The following RFWD3 variants were observed in gnomAD, a reference collection of about 807,000 sequenced individuals.
RFWD3 encodes the protein ring finger and WD repeat domain 3.
A neutral mutation model predicts 87.7 loss-of-function variants in RFWD3; 65 were observed. That is an observed-to-expected ratio of 0.74 (90% confidence interval 0.61 to 0.91). The LOEUF (loss-of-function observed/expected upper bound fraction) is 0.91. RFWD3 is among the 40% of genes least tolerant of loss of function. RFWD3 has a pLI of 0.00. For missense variants in RFWD3, 1,078 were observed against 938.5 expected, an observed-to-expected ratio of 1.15 and a Z score of -1.94; for synonymous variants, 433 against 352.8, an observed-to-expected ratio of 1.23 and a Z score of -2.55.
chr16:74,632,810 C>A (rs1959142055), intron 8 of RFWD3, 137 bp from the exon 9 acceptor site: 2 of 709,800 alleles, frequency 2.8e-6, no homozygotes, highest in Admixed American at 2.8e-5. Flanking sequence ...AACAAAAATT[C>A]TCTAGTGTTA....
chr16:74,649,272 T>C, intron 3 of RFWD3, 70 bp from the exon 4 acceptor site: 2 of 1,155,518 alleles, frequency 1.7e-6, no homozygotes, highest in Non-Finnish European at 2.5e-6. Context: ...TATGAGAAGC[T>C]AGCAGGAGAG....
chr16:74,626,801 G>A (rs568071116), intron 11 of RFWD3, among the ~76,000 whole-genome samples: 2 of 125,348 alleles, frequency 1.6e-5, no homozygotes, highest in South Asian at 3.1e-4. Flanking sequence ...ATAGCTTTTT[G>A]CTTAAGAGAA....
Position 74,644,727 on chromosome 16 carries a change from G to C in RFWD3, c.801C>G (p.Pro267=), listed in dbSNP as rs774837280. 7.4e-6 allele frequency: 12 copies of C among 1,610,904 alleles called. No individual in the cohort carries two copies. Among genetic ancestry groups the C allele is most frequent in the Non-Finnish European group, 1.0e-5 (12 of 1,177,544 alleles). ...AAGGTAGCAGAGGCTCAGACTTCTG[G>C]GGAGATGGCTAGATGGAAAGCAGAA... ...GGKTLPKQPS[P]QKSEPLLPSA... Residue 267 remains proline (P), a synonymous_variant, in exon 5 of 13, where the codon CCC becomes CCG. Transcript: ENST00000361070.
At chr16:74,632,235 A>T (rs1959121546) in intron 9 of RFWD3, among the ~76,000 whole-genome samples, 1 of 151,956 alleles carries the variant, frequency 6.6e-6, no homozygotes. Flanking sequence ...CTACAAAAAT[A>T]GAAAATATTA....
At chr16:74,653,848 T>C (rs1960759038) in intron 2 of RFWD3, among the ~76,000 whole-genome samples, 1 of 152,190 alleles carries the variant, frequency 6.6e-6, no homozygotes, top group Non-Finnish European at 1.5e-5. Flanking sequence ...AAATGCTAAC[T>C]AGAACAAAAT....
In RFWD3 at chr16:74,623,786, C is replaced by T; in HGVS notation, c.*142G>A. ...CTGTAGTGTCTCAGTGACCTAGGGTCCTAGAATCATACTAATGCAAACAAA... is the reference window on the plus strand; with the variant it reads ...CTGTAGTGTCTCAGTGACCTAGGGTTCTAGAATCATACTAATGCAAACAAA... On this transcript the variant is annotated 3_prime_UTR_variant, in exon 13 of 13. Coordinates refer to ENST00000361070, the MANE Select transcript of RFWD3 (RefSeq NM_018124.4). 2 of 833,460 alleles carry T rather than the reference C, an allele frequency of 2.4e-6. No individual in the cohort carries two copies. The highest frequency in any genetic ancestry group is 1.9e-6 in the Non-Finnish European group (1 of 529,004). The allele number at this position is 833,460 out of a possible 1,614,324, so 51.6% of individuals were successfully genotyped here. A position where few individuals can be genotyped will look rare whatever the true frequency, so the allele number is the denominator to read the frequency against.
intron 4 of RFWD3, 29 bp from the exon 5 acceptor site, chr16:74,644,764 T>A: frequency 6.4e-7 from 1 of 1,567,060 alleles, no homozygotes; most frequent in Non-Finnish European, 8.7e-7. Flanking sequence ...ATATTCAAAT[T>A]AGAGAAAATG....
In RFWD3 at chr16:74,643,672, T is replaced by C. The variant is rs943993218; in HGVS notation, c.1079+690A>G. 8.2e-5 allele frequency among the ~76,000 whole-genome samples: 9 copies of C among 110,288 alleles called. 1 individual carries two copies. Among genetic ancestry groups the C allele is most frequent in the Admixed American group, 1.2e-4 (1 of 8,494 alleles). The allele number at this position is 110,288 out of a possible 152,430, so 72.4% of individuals were successfully genotyped here. A position where few individuals can be genotyped will look rare whatever the true frequency, so the allele number is the denominator to read the frequency against. ...CTGAGTGGTGTTACTAGCAACTGTT[T>C]TTTTTTTTTTTTTTTTTTTTTGAGA... On this transcript the variant is annotated intron_variant, in intron 6 of 12. Coordinates refer to ENST00000361070, the MANE Select transcript of RFWD3 (RefSeq NM_018124.4).
At chr16:74,660,766 A>C in intron 2 of RFWD3, 166 bp downstream of exon 2, 1 of 683,636 alleles carries the variant, frequency 1.5e-6, no homozygotes, top group Non-Finnish European at 2.5e-6. Context: ...TCCCTTCATT[A>C]CTTTGTGAAG....
At chr16:74,634,644 C>T (rs9930188) in intron 8 of RFWD3, among the ~76,000 whole-genome samples, 87,906 of 151,876 alleles carry the variant, frequency 0.58, 26,807 homozygotes, top group African/African-American at 0.77. Context: ...CCGCCTTGGC[C>T]TCCCAAAGTG....
At chr16:74,633,933 G>A (rs987043790) in intron 8 of RFWD3, among the ~76,000 whole-genome samples, 1 of 150,566 alleles carries the variant, frequency 6.6e-6, no homozygotes, top group Admixed American at 6.7e-5. Flanking sequence ...CAGCCCGGGA[G>A]ATCACACCCC....
intron 12 of RFWD3, among the ~76,000 whole-genome samples, chr16:74,626,118 T>C (rs1041426457): frequency 2.0e-5 from 3 of 151,956 alleles, no homozygotes; most frequent in East Asian, 1.9e-4. Context: ...ACCCAAGAAA[T>C]AGAGGTTGCA....
chr16:74,622,102 C>T lies in RFWD3; in HGVS notation c.*1826G>A, dbSNP rs1269057995. ...TCAGGTACTTCAAAGAAAGTCAAAT[C>T]CTAAGCCTGCCCAGGCCCAAAGACA... is the stretch of plus-strand genomic sequence containing the variant. On this transcript the variant is annotated 3_prime_UTR_variant, in exon 13 of 13. Coordinates refer to ENST00000361070, the MANE Select transcript of RFWD3 (RefSeq NM_018124.4). 1 of 152,128 alleles carries T rather than the reference C, an allele frequency of 6.6e-6. No individual in the cohort carries two copies. The highest frequency in any genetic ancestry group is 6.6e-5 in the Admixed American group (1 of 15,266). 9.4% of individuals were successfully genotyped at this position (152,128 alleles called of 1,614,324 possible). A position where few individuals can be genotyped will look rare whatever the true frequency, so the allele number is the denominator to read the frequency against.
Position 74,644,538 on chromosome 16 carries a change from T to C in RFWD3, c.987+3A>G, listed in dbSNP as rs750049616. The C allele has an allele frequency of 1.2e-6, 2 of 1,614,100 alleles. No homozygotes were observed. The highest frequency in any genetic ancestry group is 1.7e-6 in the Non-Finnish European group (2 of 1,180,034). On this transcript the variant is annotated splice_donor_region_variant and intron_variant, in intron 5 of 12. Transcript: ENST00000361070. ...TTAATGTGTCCTTACCTATGGTCCTTACCTGGGGACATTTTCGTACTTGTC... is the reference window on the plus strand; with the variant it reads ...TTAATGTGTCCTTACCTATGGTCCTCACCTGGGGACATTTTCGTACTTGTC...
chr16:74,642,637 G>A (rs947335843), intron 6 of RFWD3, among the ~76,000 whole-genome samples: 18 of 152,048 alleles, frequency 1.2e-4, no homozygotes, highest in Middle Eastern at 3.2e-3. Flanking sequence ...GACTACAGGT[G>A]TGTACCACTA....
chr16:74,637,259 A>G (rs1959228882), intron 7 of RFWD3, among the ~76,000 whole-genome samples: 1 of 151,916 alleles, frequency 6.6e-6, no homozygotes, highest in African/African-American at 2.4e-5. Context: ...CCCTCATTTT[A>G]CTAGTAGATT....
intron 2 of RFWD3, among the ~76,000 whole-genome samples, chr16:74,657,545 G>A (rs996292008): frequency 4.1e-5 from 6 of 146,002 alleles, no homozygotes; most frequent in Admixed American, 7.1e-5. Flanking sequence ...GCGCAATCTC[G>A]GCTCACTGCA....
At chr16:74,666,739 CG>C (rs1408375070) in intron 1 of RFWD3, 46 bp downstream of exon 1, 1 of 118,582 alleles carries the variant, frequency 8.4e-6, no homozygotes, top group Non-Finnish European at 1.8e-5. Context: ...AGGTTTATCC[CG>C]AAGCTAGAGG....
intron 12 of RFWD3, among the ~76,000 whole-genome samples, chr16:74,625,950 C>T (rs1958919284): frequency 6.6e-6 from 1 of 152,186 alleles, no homozygotes; most frequent in Non-Finnish European, 1.5e-5. Context: ...CTTTGGGAGG[C>T]CAAGGCCGGC....
Sources: allele counts gnomAD v4.1 joint callset (sites outside exome capture counted in the v4.1 genomes callset), GRCh38; gene constraint gnomAD v4.1.1; transcripts MANE v1.5; gene names NCBI Gene and HGNC (gene_info 2026-07-23, HGNC 2026-07-21).